The following CPLANE1 variants were observed in gnomAD, a reference collection of about 807,000 sequenced individuals.
CPLANE1 encodes the protein ciliogenesis and planar polarity effector complex subunit 1.
CPLANE1 carries 263 observed loss-of-function variants against 362.5 expected under a neutral mutation model. The observed-to-expected ratio is 0.73, with a 90% confidence interval of 0.66 to 0.80. CPLANE1 has a LOEUF of 0.80. CPLANE1 is among the 30% of genes least tolerant of loss of function. The pLI is 0.00. For synonymous variants in CPLANE1, 1,212 were observed against 1,302.6 expected, an observed-to-expected ratio of 0.93 and a Z score of 1.50; for missense variants, 3,461 against 3,793.4, an observed-to-expected ratio of 0.91 and a Z score of 2.30.
chr5:37,077,823 C>CTAAACTGATCTGA, the CPLANE1 span, among the ~76,000 whole-genome samples: 1 of 151,864 alleles, frequency 6.6e-6, no homozygotes, highest in Non-Finnish European at 1.5e-5. Context: ...ACTATATTGC[C>CTAAACTGATCTGA]TAAACTGATC....
rs1795997317 is a variant in CPLANE1, at chr5:37,224,330, T to C, written c.2504A>G (p.Glu835Gly). The change falls in exon 14 of 53, where the codon GAA becomes GGA. Residue 835 changes from glutamate (E) to glycine (G), a missense_variant. Coordinates refer to ENST00000651892, the MANE Select transcript of CPLANE1 (RefSeq NM_001384732.1). ...QTLELKSING[E>G]ECFLLGSYEK... The stretch of plus-strand genomic sequence containing the variant: ...ATATGATCCTAATAAAAAACATTCT[T>C]CCCCTAGAAAGTTTTTAACCAACAA... The C allele has an allele frequency of 1.3e-6, 2 of 1,542,144 alleles. No individual in the cohort carries two copies. The highest frequency in any genetic ancestry group is 2.5e-5 in the East Asian group (1 of 40,776).
the CPLANE1 span, among the ~76,000 whole-genome samples, chr5:37,081,171 G>C: frequency 6.6e-6 from 1 of 151,998 alleles, no homozygotes; most frequent in Non-Finnish European, 1.5e-5. Context: ...ATAACCACTA[G>C]ACATGCAAAG....
chr5:37,247,204 T>G (rs552965593), intron 2 of CPLANE1, among the ~76,000 whole-genome samples: 7 of 152,320 alleles, frequency 4.6e-5, no homozygotes, highest in African/African-American at 1.7e-4. Context: ...GCCCATTTCT[T>G]CCATCCTAGT....
chr5:37,148,889 A>G (rs904031821), intron 42 of CPLANE1, among the ~76,000 whole-genome samples: 1 of 152,064 alleles, frequency 6.6e-6, no homozygotes. Context: ...CGTCTCTACT[A>G]AAAATACAAA....
intron 30 of CPLANE1, 23 bp downstream of exon 30, chr5:37,177,598 T>C (rs750423229): frequency 6.4e-7 from 1 of 1,564,538 alleles, no homozygotes; most frequent in East Asian, 2.2e-5. Context: ...TGACAATCAC[T>C]GTCATACTTT....
chr5:37,244,482 G>A lies in CPLANE1; in HGVS notation c.463C>T (p.Leu155Phe). ...ELKNILSSKS[L>F]SLAGRWSQVI... The stretch of plus-strand genomic sequence containing the variant: ...TGGGACCACCGACCCGCCAATGAAA[G>A]GCTTTTAGAAGATAAGATATTCTTT... Residue 155 changes from leucine to phenylalanine, a missense_variant, in exon 5 of 53, where the codon CTT (leucine) becomes TTT (phenylalanine). Around this residue, in one of 2 missense-constraint regions of CPLANE1, gnomAD observed 3,380 missense variants for 3,666.1 expected, o/e 0.92. Transcript: ENST00000651892. 1.9e-6 allele frequency: 3 copies of A among 1,551,786 alleles called. No homozygotes were observed. Among genetic ancestry groups the A allele is most frequent in the Non-Finnish European group, 2.6e-6 (3 of 1,147,000 alleles).
intron 51 of CPLANE1, among the ~76,000 whole-genome samples, chr5:37,112,560 C>A (rs541390882): frequency 6.6e-6 from 1 of 152,204 alleles, no homozygotes; most frequent in African/African-American, 2.4e-5. Flanking sequence ...TGGCTTCCCT[C>A]AGAAAGGAAG....
chr5:37,178,582 C>A (rs1781837292), intron 29 of CPLANE1, among the ~76,000 whole-genome samples: 2 of 149,526 alleles, frequency 1.3e-5, no homozygotes. Context: ...CACTGCACTC[C>A]AGCTTGGGCA....
chr5:37,226,711 T>A lies in CPLANE1; in HGVS notation c.1884A>T (p.Arg628Ser). The change falls in exon 12 of 53, where the codon AGA becomes AGT. Residue 628 changes from arginine (R) to serine (S), a missense_variant. This residue lies in a region of CPLANE1 where 3,380 missense variants were observed against 3,666.1 expected (regional missense o/e 0.92). Transcript: ENST00000651892. ...AGATACAAAGTATCCATGCATTATG[T>A]CTTGAGCTTTTGCTTAAAACAAGAT... ...KLDLVLSKSS[R>S]HNAWILCIFQ... is the part of the protein sequence containing the mutation. 1 of 1,547,428 alleles carries A rather than the reference T, an allele frequency of 6.5e-7. No individual in the cohort carries two copies. Among genetic ancestry groups the A allele is most frequent in the Non-Finnish European group, 8.7e-7 (1 of 1,145,256 alleles).
chr5:37,149,502 T>C (rs151039884), intron 42 of CPLANE1, among the ~76,000 whole-genome samples: 1 of 152,330 alleles, frequency 6.6e-6, no homozygotes, highest in Non-Finnish European at 1.5e-5. Flanking sequence ...ATATTTTCAA[T>C]CCACATTTGG....
At chr5:37,157,568 G>C in intron 40 of CPLANE1, 102 bp downstream of exon 40, 1 of 1,153,430 alleles carries the variant, frequency 8.7e-7, no homozygotes, top group Non-Finnish European at 1.3e-6. Flanking sequence ...CAAAAATACA[G>C]TGGGTTTGTA....
rs369468634 is a variant in CPLANE1 at position 37,180,249 on chromosome 5, G to GT, written c.5571-67dup. 23,458 of 952,372 alleles carry GT rather than the reference G, an allele frequency of 0.025. 118 individuals are homozygous for GT. The highest frequency in any genetic ancestry group is 0.064 in the African/African-American group (3,567 of 56,114). The allele number at this position is 952,372 out of a possible 1,614,324, so 59.0% of individuals were successfully genotyped here. On this transcript the variant is annotated intron_variant, in intron 27 of 52. Coordinates refer to ENST00000651892, the MANE Select transcript of CPLANE1 (RefSeq NM_001384732.1). The stretch of plus-strand genomic sequence containing the variant: ...AGATAAAGAGCTAATTCAGTTTTGG[G>GT]TTTTTTTTTTGTTTTTTTTTTTAAG...
chr5:37,161,697 G>A (rs2150791331), intron 38 of CPLANE1, among the ~76,000 whole-genome samples: 2 of 152,182 alleles, frequency 1.3e-5, no homozygotes, highest in African/African-American at 4.8e-5. Context: ...AGTAAGGGAG[G>A]ACACCTATGC....
At chr5:37,170,434 CT>C (rs1386254063) in intron 32 of CPLANE1, 103 bp from the exon 33 acceptor site, 1 of 1,203,982 alleles carries the variant, frequency 8.3e-7, no homozygotes, top group African/African-American at 1.5e-5. Flanking sequence ...ACACGTTTGT[CT>C]TAATATCTAT....
the CPLANE1 span, among the ~76,000 whole-genome samples, chr5:37,077,550 G>T: frequency 3.4e-5 from 5 of 147,420 alleles, no homozygotes; most frequent in African/African-American, 1.2e-4. Flanking sequence ...GAGACAGACA[G>T]AATAAAAAAT....
chr5:37,098,614 G>A, the CPLANE1 span, among the ~76,000 whole-genome samples: 1 of 151,810 alleles, frequency 6.6e-6, no homozygotes. Flanking sequence ...ATATTTTCCA[G>A]GATAGGCCAT....
rs1452369374 is a variant in CPLANE1 at position 37,153,925 on chromosome 5, A to G, written c.8188T>C (p.Leu2730=). 26 of 1,614,122 alleles carry G rather than the reference A, an allele frequency of 1.6e-5. No individual in the cohort carries two copies. The highest frequency in any genetic ancestry group is 3.3e-4 in the Middle Eastern group (2 of 6,062). ...GAGACACCTTGCAGCCGTTTCCACA[A>G]TAGATAATCTTCTGCAGAGTCTGAC... ...TKSDSAEDYL[L]WKRLQGVSAA... Residue 2730 remains leucine (L), a synonymous_variant, in exon 42 of 53, where the codon TTG becomes CTG. Transcript: ENST00000651892.
chr5:37,098,923 CAAAA>C, the CPLANE1 span, among the ~76,000 whole-genome samples: 5 of 52,064 alleles, frequency 9.6e-5, no homozygotes, highest in Non-Finnish European at 1.2e-4. Flanking sequence ...ATGCCTACAT[CAAAA>C]AAAAAAAAAA....
At chr5:37,178,965 T>C (rs574332188) in intron 29 of CPLANE1, among the ~76,000 whole-genome samples, 1 of 152,284 alleles carries the variant, frequency 6.6e-6, no homozygotes, top group East Asian at 1.9e-4. Context: ...CTTGTTCTCT[T>C]GACCAGGCTG....
Sources: gnomAD v4.1 joint callset for allele counts (sites outside exome capture counted in the v4.1 genomes callset) on GRCh38, gnomAD v4.1.1 for gene constraint, gnomAD v4.1.1 regional missense constraint, MANE v1.5 for transcripts, NCBI Gene and HGNC (gene_info 2026-07-23, HGNC 2026-07-21) for gene names.